FRAS1: variants seen among roughly 807,000 people sequenced by gnomAD.
FRAS1 encodes extracellular matrix organizing protein FRAS1.
In FRAS1, 290 loss-of-function variants were observed where a neutral mutation model predicts 435.2. That is an observed-to-expected ratio of 0.67 (90% CI 0.61 to 0.73). The LOEUF (loss-of-function observed/expected upper bound fraction) is 0.73. FRAS1 is among the 30% of genes least tolerant of loss of function. The pLI is 0.00. For synonymous variants in FRAS1, 1,800 were observed against 1,851.0 expected (o/e 0.97, Z 0.71); for missense variants, 4,860 against 5,001.5 (o/e 0.97, Z 0.85).
chr4:78,477,871 T>A lies in FRAS1; in HGVS notation c.7908T>A (p.Asp2636Glu). 6.2e-7 allele frequency: 1 copy of A among 1,613,562 alleles called. No homozygotes were observed. The highest frequency in any genetic ancestry group is 1.3e-5 in the African/African-American group (1 of 75,048). The change falls in exon 55 of 74, where the codon GAT (aspartate) becomes GAA (glutamate). Residue 2636 changes from aspartate (D) to glutamate (E), a missense_variant. Asp to Glu is a conservative substitution (Grantham distance 45). Coordinates refer to ENST00000512123, the MANE Select transcript of FRAS1 (RefSeq NM_025074.7). Reference sequence around the variant, plus strand: ...CCTGCACCATTGTCATCAACGATGATGACGTGTTTGAAAATGTTGAGAGTT... The same window carrying A: ...CCTGCACCATTGTCATCAACGATGAAGACGTGTTTGAAAATGTTGAGAGTT... ...TKSCTIVIND[D>E]DVFENVESFT... is the part of the protein sequence containing the mutation.
intron 49 of FRAS1, among the ~76,000 whole-genome samples, 198 bp downstream of exon 49, chr4:78,464,781 T>C (rs888869929): frequency 1.3e-5 from 2 of 152,222 alleles, no homozygotes; most frequent in African/African-American, 4.8e-5. Context: ...AAATTGTTTT[T>C]AAACCCTTTC....
intron 5 of FRAS1, among the ~76,000 whole-genome samples, chr4:78,253,107 C>T (rs568816870): frequency 6.6e-6 from 1 of 152,260 alleles, no homozygotes; most frequent in South Asian, 2.1e-4. Context: ...CGTTTATAGA[C>T]CTCCCCCCAG....
At chr4:78,440,188 G>T (rs959191089) in intron 40 of FRAS1, among the ~76,000 whole-genome samples, 1 of 151,188 alleles carries the variant, frequency 6.6e-6, no homozygotes, top group Non-Finnish European at 1.5e-5. Context: ...CCGCCACCGC[G>T]CCCGGCTAAT....
At chr4:78,236,570 C>G (rs1724773002) in intron 2 of FRAS1, among the ~76,000 whole-genome samples, 1 of 152,142 alleles carries the variant, frequency 6.6e-6, no homozygotes, top group South Asian at 2.1e-4. Context: ...GAAAATGAAT[C>G]TCAGTACAGC....
intron 31 of FRAS1, 23 bp downstream of exon 31, chr4:78,407,864 T>C: frequency 1.3e-6 from 2 of 1,564,248 alleles, no homozygotes; most frequent in South Asian, 2.4e-5. Flanking sequence ...TCCTGACTTT[T>C]CTGAAGTCTG....
chr4:78,463,444 C>T (rs2109845196), intron 47 of FRAS1, among the ~76,000 whole-genome samples: 1 of 152,222 alleles, frequency 6.6e-6, no homozygotes, highest in Non-Finnish European at 1.5e-5. Flanking sequence ...TTTGTTACTG[C>T]CTGACTGGCT....
intron 72 of FRAS1, among the ~76,000 whole-genome samples, chr4:78,537,554 G>A (rs535907502): frequency 8.5e-5 from 13 of 152,116 alleles, no homozygotes; most frequent in Non-Finnish European, 1.5e-4. Context: ...ATTCCCTCAT[G>A]AGTTTAGAGA....
chr4:78,495,937 G>A (rs1045454216), intron 59 of FRAS1, among the ~76,000 whole-genome samples: 3 of 152,112 alleles, frequency 2.0e-5, no homozygotes, highest in Non-Finnish European at 4.4e-5. Flanking sequence ...AATCAGATTA[G>A]CAAGTCACAT....
chr4:78,308,605 C>CCT (rs1244563650), intron 15 of FRAS1, among the ~76,000 whole-genome samples: 14 of 152,228 alleles, frequency 9.2e-5, no homozygotes, highest in Admixed American at 8.5e-4. Flanking sequence ...ATTAGGCCAG[C>CCT]TGAGGGCAGA....
intron 32 of FRAS1, among the ~76,000 whole-genome samples, chr4:78,418,567 G>T (rs1173962173): frequency 1.3e-5 from 2 of 152,130 alleles, no homozygotes; most frequent in East Asian, 3.8e-4. Flanking sequence ...AAAGTTAGAG[G>T]AGAGACACAA....
rs907500081 is a variant in FRAS1 at position 78,387,438 on chromosome 4, A to T, written c.3712A>T (p.Thr1238Ser). The T allele has an allele frequency of 6.2e-7, 1 of 1,613,468 alleles. No individual in the cohort carries two copies. Among genetic ancestry groups the T allele is most frequent in the African/African-American group, 1.3e-5 (1 of 74,776 alleles). The change falls in exon 29 of 74, where the codon ACC becomes TCC. Residue 1238 changes from threonine (T) to serine (S), a missense_variant. Physicochemically the swap from Thr to Ser is moderately conservative, Grantham distance 58. Coordinates refer to ENST00000512123, the MANE Select transcript of FRAS1 (RefSeq NM_025074.7). ...CAGAGGAGAGAGGGCAACCATCACC[A>T]CCCAGATGCTTGACATCCGAGATGA... ...ISRGERATIT[T>S]QMLDIRDDDN...
chr4:78,478,986 T>C (rs912121806), intron 55 of FRAS1, among the ~76,000 whole-genome samples: 6 of 152,236 alleles, frequency 3.9e-5, no homozygotes, highest in African/African-American at 4.8e-5. Context: ...TAGAAGTTTA[T>C]TCAGAAAGGC....
intron 58 of FRAS1, among the ~76,000 whole-genome samples, chr4:78,485,324 A>G (rs2109862310): frequency 6.6e-6 from 1 of 152,348 alleles, no homozygotes; most frequent in East Asian, 1.9e-4. Context: ...AGACTCCAGT[A>G]ACATATAGAG....
At position 78,057,489 on chromosome 4, in the gene FRAS1, C is replaced by A. The variant is rs1162622645; in HGVS notation, c.-521C>A. 1 of 154,726 alleles carries A rather than the reference C, an allele frequency of 6.5e-6. No homozygotes were observed. The highest frequency in any genetic ancestry group is 2.4e-5 in the African/African-American group (1 of 41,510). 9.6% of individuals were successfully genotyped at this position (154,726 alleles called of 1,614,324 possible). A position where few individuals can be genotyped will look rare whatever the true frequency, so the allele number is the denominator to read the frequency against. ...GGTCTGCCGAGCCGGGTGGCTCGAC[C>A]AAGGAGTGGGTGTGGGTGGGTCTTT... On this transcript the variant is annotated 5_prime_UTR_variant, in exon 1 of 74. Transcript: ENST00000512123. This position sits in a 1 kb window ranked among gnomAD's most constrained non-coding sequence, Gnocchi z 4.2.
chr4:78,509,064 T>C, intron 63 of FRAS1, 58 bp downstream of exon 63: 1 of 1,049,208 alleles, frequency 9.5e-7, no homozygotes, highest in Non-Finnish European at 1.4e-6. Flanking sequence ...GGTGTTGTTC[T>C]TTGTTACTCA....
chr4:78,515,263 T>G (rs926596698), intron 65 of FRAS1, among the ~76,000 whole-genome samples: 1 of 150,626 alleles, frequency 6.6e-6, no homozygotes, highest in African/African-American at 2.4e-5. Flanking sequence ...ATTAAGACTT[T>G]CCCCCGACAA....
rs761120371 is a variant in FRAS1 at position 78,432,607 on chromosome 4, A to G, written c.5217+3A>G. The G allele has an allele frequency of 6.4e-7, 1 of 1,558,214 alleles. No individual in the cohort carries two copies. Among genetic ancestry groups the G allele is most frequent in the East Asian group, 2.3e-5 (1 of 44,108 alleles). ...CTAGGTCACACCTTGCTTACGTGGT[A>G]AGTTCTTCCATTTGCTGTGTTTGTT... is the stretch of plus-strand genomic sequence containing the variant. On this transcript the variant is annotated splice_donor_region_variant and intron_variant, in intron 38 of 73. Coordinates refer to ENST00000512123, the MANE Select transcript of FRAS1 (RefSeq NM_025074.7).
chr4:78,149,507 A>T (rs762820070), intron 2 of FRAS1, among the ~76,000 whole-genome samples: 11 of 152,164 alleles, frequency 7.2e-5, no homozygotes, highest in Admixed American at 1.3e-4. Flanking sequence ...CTCCCTCTAG[A>T]CATTTTCCAT....
At chr4:78,516,709 G>A (rs1721226134) in intron 66 of FRAS1, among the ~76,000 whole-genome samples, 1 of 152,176 alleles carries the variant, frequency 6.6e-6, no homozygotes, top group South Asian at 2.1e-4. Flanking sequence ...TGTCTTACAT[G>A]GTGGCAGGTG....
Sources: gnomAD v4.1 joint callset for allele counts (sites outside exome capture counted in the v4.1 genomes callset) on GRCh38, gnomAD v4.1.1 for gene constraint, Gnocchi (gnomAD v3.1) non-coding constraint, MANE v1.5 for transcripts, NCBI Gene and HGNC (gene_info 2026-07-23, HGNC 2026-07-21) for gene names.